Variants in CFAP100 observed in about 807,000 individuals in gnomAD.
CFAP100 encodes cilia and flagella associated protein 100, also known as cilia- and flagella-associated protein 100.
In CFAP100, 70 loss-of-function variants were observed where a neutral mutation model predicts 81.5. That is an observed-to-expected ratio of 0.86 (90% confidence interval 0.71 to 1.05). The LOEUF (loss-of-function observed/expected upper bound fraction) is 1.05. Among genes scored for constraint, CFAP100 ranks in the 50% least tolerant of loss-of-function variants. The pLI is 0.00. For missense variants in CFAP100, 811 were observed against 776.5 expected (o/e 1.04, Z -0.53); for synonymous variants, 341 against 314.8 (o/e 1.08, Z -0.88).
intron 5 of CFAP100, 44 bp from the exon 6 acceptor site, chr3:126,418,414 G>A (rs1402338831): frequency 4.4e-6 from 7 of 1,601,834 alleles, no homozygotes; most frequent in Non-Finnish European, 6.0e-6. Flanking sequence ...CCCCTCCTCA[G>A]CCTGGGCTTC....
intron 2 of CFAP100, among the ~76,000 whole-genome samples, chr3:126,400,489 C>T (rs1050813894): frequency 6.6e-6 from 1 of 152,020 alleles, no homozygotes. Flanking sequence ...CACGGTGACT[C>T]TCGCCTAAAA....
intron 13 of CFAP100, among the ~76,000 whole-genome samples, chr3:126,430,052 CATG>C (rs1204545161): frequency 2.6e-5 from 4 of 152,152 alleles, no homozygotes; most frequent in Non-Finnish European, 5.9e-5. Context: ...AGTTGTTGTA[CATG>C]ATAAGTCACT....
chr3:126,400,431 AGT>A (rs1225979693), intron 2 of CFAP100, among the ~76,000 whole-genome samples: 1 of 152,186 alleles, frequency 6.6e-6, no homozygotes, highest in Non-Finnish European at 1.5e-5. Flanking sequence ...TGTTGGTGAA[AGT>A]GTAAAATGGT....
chr3:126,429,038 G>A (rs1933072226), intron 13 of CFAP100, among the ~76,000 whole-genome samples: 1 of 150,632 alleles, frequency 6.6e-6, no homozygotes, highest in African/African-American at 2.5e-5. Flanking sequence ...GAATCCAGGA[G>A]GTGGAGGCTG....
chr3:126,419,258 TTTACCTCCC>T, intron 8 of CFAP100, 102 bp downstream of exon 8: 1 of 732,050 alleles, frequency 1.4e-6, no homozygotes, highest in Non-Finnish European at 2.3e-6. Flanking sequence ...ACCTCATGGC[TTTACCTCCC>T]AGGGACTCTG....
chr3:126,401,753 G>C (rs1288258813), intron 2 of CFAP100, among the ~76,000 whole-genome samples: 2 of 152,046 alleles, frequency 1.3e-5, no homozygotes, highest in Non-Finnish European at 2.9e-5. Flanking sequence ...ACTGACCTGT[G>C]AGTGGGAAGG....
chr3:126,408,303 C>T (rs2083100705), intron 3 of CFAP100, among the ~76,000 whole-genome samples: 1 of 152,226 alleles, frequency 6.6e-6, no homozygotes, highest in African/African-American at 2.4e-5. Context: ...AGCACCATCA[C>T]CACACCCGAC....
Position 126,433,210 on chromosome 3 carries a change from C to A in CFAP100, c.1422+6C>A, listed in dbSNP as rs1257957789. On this transcript the variant is annotated splice_donor_region_variant and intron_variant, in intron 14 of 16. Coordinates refer to ENST00000352312, the MANE Select transcript of CFAP100 (RefSeq NM_182628.3). ...AGTACAAGGGCGATCAGCAGGTAGG[C>A]TGGGGATCAAGGTGGCCAGAGGCCC... The A allele has an allele frequency of 6.2e-7, 1 of 1,614,012 alleles. No homozygotes were observed. Among genetic ancestry groups the A allele is most frequent in the South Asian group, 1.1e-5 (1 of 91,066 alleles).
chr3:126,402,016 C>A (rs1013038433), intron 2 of CFAP100, among the ~76,000 whole-genome samples: 1 of 152,216 alleles, frequency 6.6e-6, no homozygotes, highest in African/African-American at 2.4e-5. Context: ...ATATCTCTCA[C>A]TTCTCTTTAT....
intron 4 of CFAP100, among the ~76,000 whole-genome samples, chr3:126,415,548 C>T (rs2083222377): frequency 6.6e-6 from 1 of 152,148 alleles, no homozygotes; most frequent in African/African-American, 2.4e-5. Context: ...GTGATGGGGA[C>T]GTGCATTCCA....
chr3:126,428,991 TC>T, intron 13 of CFAP100, among the ~76,000 whole-genome samples: 1 of 151,772 alleles, frequency 6.6e-6, no homozygotes, highest in South Asian at 2.1e-4. Flanking sequence ...TGCCTGTAGT[TC>T]CAGCTACTTG....
intron 2 of CFAP100, among the ~76,000 whole-genome samples, chr3:126,397,514 T>G (rs977981139): frequency 6.6e-6 from 1 of 152,214 alleles, no homozygotes. Context: ...ATGTAAACTA[T>G]ATTGATTTGT....
chr3:126,410,112 A>G (rs998743731), intron 3 of CFAP100, among the ~76,000 whole-genome samples: 1 of 152,156 alleles, frequency 6.6e-6, no homozygotes, highest in Admixed American at 6.5e-5. Flanking sequence ...GAGACAGGAG[A>G]ATTGCTTGAA....
chr3:126,415,051 A>G (rs1319836265), intron 4 of CFAP100, among the ~76,000 whole-genome samples: 2 of 152,042 alleles, frequency 1.3e-5, no homozygotes, highest in Non-Finnish European at 2.9e-5. Context: ...ACTGGCTGAG[A>G]CCCAGAGACT....
chr3:126,419,338 ACT>A (rs1203302553), intron 8 of CFAP100, among the ~76,000 whole-genome samples, 182 bp downstream of exon 8: 5 of 151,976 alleles, frequency 3.3e-5, no homozygotes, highest in African/African-American at 9.7e-5. Context: ...AGATTCAGTG[ACT>A]CTCAAGGCTT....
At chr3:126,417,821 G>T (rs182575937) in intron 5 of CFAP100, among the ~76,000 whole-genome samples, 311 of 152,362 alleles carry the variant, frequency 2.0e-3, no homozygotes, top group Non-Finnish European at 3.7e-3. Context: ...GGGCCAGAGA[G>T]CCCCATGGTT....
intron 13 of CFAP100, among the ~76,000 whole-genome samples, chr3:126,428,474 G>A (rs1933050552): frequency 6.6e-6 from 1 of 152,176 alleles, no homozygotes; most frequent in Admixed American, 6.5e-5. Context: ...CAAACCCATA[G>A]AATACACAGT....
intron 16 of CFAP100, among the ~76,000 whole-genome samples, 200 bp downstream of exon 16, chr3:126,435,852 A>G (rs1032768600): frequency 6.6e-6 from 1 of 152,084 alleles, no homozygotes; most frequent in Non-Finnish European, 1.5e-5. Flanking sequence ...CTGCCAGCCC[A>G]TGGCCCATGC....
intron 1 of CFAP100, 142 bp from the exon 2 acceptor site, chr3:126,395,800 C>A (rs892053902): frequency 8.4e-6 from 5 of 594,370 alleles, no homozygotes; most frequent in Non-Finnish European, 1.5e-5. Flanking sequence ...TGAGAGTGGA[C>A]CCTCGGGTGG....
Sources: allele counts gnomAD v4.1 joint callset (sites outside exome capture counted in the v4.1 genomes callset), GRCh38; gene constraint gnomAD v4.1.1; transcripts MANE v1.5; gene names NCBI Gene and HGNC (gene_info 2026-07-23, HGNC 2026-07-21).